Variants in PDE3B observed in about 807,000 individuals in gnomAD.
The protein encoded by PDE3B is cGMP-inhibited 3',5'-cyclic phosphodiesterase 3B.
A neutral mutation model predicts 116.8 loss-of-function variants in PDE3B; 66 were observed. The ratio of observed to expected loss-of-function variants is 0.56; its 90% CI spans 0.46 to 0.69. The LOEUF (loss-of-function observed/expected upper bound fraction) is 0.69. Ranked by LOEUF, PDE3B falls within the 30% of genes least tolerant of loss-of-function variation. PDE3B has a pLI of 0.00. For missense variants in PDE3B, 1,384 were observed against 1,368.1 expected, an observed-to-expected ratio of 1.01 and a Z score of -0.18; for synonymous variants, 595 against 533.6, an observed-to-expected ratio of 1.12 and a Z score of -1.59.
chr11:14,823,802 T>C (rs376444547), intron 7 of PDE3B, among the ~76,000 whole-genome samples: 29 of 152,228 alleles, frequency 1.9e-4, no homozygotes, highest in African/African-American at 6.5e-4. Flanking sequence ...AACCAGATTG[T>C]TTGTTACTTG....
intron 1 of PDE3B, among the ~76,000 whole-genome samples, chr11:14,760,173 T>G (rs1186181260): frequency 2.0e-5 from 3 of 152,200 alleles, no homozygotes; most frequent in Non-Finnish European, 4.4e-5. Context: ...AGCCACAGTT[T>G]ATTTAAAAGT....
chr11:14,891,748 C>T, the PDE3B span: 1 of 1,355,362 alleles, frequency 7.4e-7, no homozygotes, highest in Non-Finnish European at 9.5e-7. Context: ...CGCCTCGGAG[C>T]CTCGGCCCGG....
At chr11:14,837,706 A>G (rs1186825619) in intron 11 of PDE3B, among the ~76,000 whole-genome samples, 5 of 152,174 alleles carry the variant, frequency 3.3e-5, no homozygotes, top group African/African-American at 1.2e-4. Context: ...TCTTACTAGC[A>G]GTGTTATGAG....
chr11:14,710,245 A>G (rs1167729289), intron 1 of PDE3B, among the ~76,000 whole-genome samples: 1 of 152,192 alleles, frequency 6.6e-6, no homozygotes, highest in Non-Finnish European at 1.5e-5. Flanking sequence ...TAGTGTATAT[A>G]AAGGTCTAGT....
intron 13 of PDE3B, among the ~76,000 whole-genome samples, chr11:14,860,591 TG>T (rs1847930741): frequency 6.6e-6 from 1 of 152,186 alleles, no homozygotes; most frequent in Admixed American, 6.5e-5. Context: ...CATAGCAGCA[TG>T]GCTAGATTGG....
intron 1 of PDE3B, among the ~76,000 whole-genome samples, chr11:14,656,301 C>A (rs945310285): frequency 6.6e-6 from 1 of 152,152 alleles, no homozygotes; most frequent in Non-Finnish European, 1.5e-5. Context: ...TTTTACATCT[C>A]TAAATGGGAT....
intron 1 of PDE3B, among the ~76,000 whole-genome samples, chr11:14,647,408 T>G (rs1459630409): frequency 6.6e-6 from 1 of 152,064 alleles, no homozygotes. Context: ...AATTCTGTAA[T>G]ATCTTCTAAT....
At chr11:14,722,379 C>T (rs181646456) in intron 1 of PDE3B, among the ~76,000 whole-genome samples, 273 of 151,530 alleles carry the variant, frequency 1.8e-3, no homozygotes, top group Middle Eastern at 3.5e-3. Context: ...CCATCTGTGT[C>T]AACTGGCAGA....
chr11:14,852,609 GGAAGTGCTA>G (rs1189672185), intron 12 of PDE3B, among the ~76,000 whole-genome samples: 3 of 152,318 alleles, frequency 2.0e-5, no homozygotes, highest in Non-Finnish European at 4.4e-5. Flanking sequence ...TGAAGCCATA[GGAAGTGCTA>G]GAATGGAAAG....
chr11:14,740,334 G>C (rs1024526279), intron 1 of PDE3B, among the ~76,000 whole-genome samples: 18 of 152,258 alleles, frequency 1.2e-4, no homozygotes, highest in Admixed American at 3.9e-4. Flanking sequence ...ACTTGGGAGG[G>C]TGTATGTGTC....
At chr11:14,754,693 C>T (rs1193365260) in intron 1 of PDE3B, among the ~76,000 whole-genome samples, 2 of 152,044 alleles carry the variant, frequency 1.3e-5, no homozygotes, top group Non-Finnish European at 2.9e-5. Context: ...TCGCTTGAGC[C>T]CAGGAGTTCA....
intron 1 of PDE3B, among the ~76,000 whole-genome samples, chr11:14,670,649 A>G (rs1490493113): frequency 3.9e-5 from 6 of 152,176 alleles, no homozygotes; most frequent in Non-Finnish European, 2.9e-5. Context: ...TTAAAGTATT[A>G]ATGTCTCAAA....
chr11:14,880,693 C>A, the PDE3B span: 8 of 1,595,792 alleles, frequency 5.0e-6, no homozygotes, highest in African/African-American at 1.4e-5. Context: ...TTGGCCATAT[C>A]CAAAATATCG....
intron 5 of PDE3B, among the ~76,000 whole-genome samples, chr11:14,810,095 A>G (rs1859075674): frequency 6.6e-6 from 1 of 152,200 alleles, no homozygotes. Context: ...AAAAGCATAT[A>G]AGATTCAGAA....
chr11:14,691,661 C>G (rs1327715732), intron 1 of PDE3B, among the ~76,000 whole-genome samples: 1 of 152,068 alleles, frequency 6.6e-6, no homozygotes, highest in African/African-American at 2.4e-5. Context: ...AAAATTTCTG[C>G]CTTCATGGAA....
At chr11:14,883,399 T>C in the PDE3B span, among the ~76,000 whole-genome samples, 1 of 152,172 alleles carries the variant, frequency 6.6e-6, no homozygotes, top group Non-Finnish European at 1.5e-5. Flanking sequence ...AACTATCTGA[T>C]CTTTGACGAA....
At chr11:14,681,612 G>T (rs1854711468) in intron 1 of PDE3B, among the ~76,000 whole-genome samples, 1 of 152,158 alleles carries the variant, frequency 6.6e-6, no homozygotes, top group South Asian at 2.1e-4. Flanking sequence ...CTGAAAAATT[G>T]TAAGTTGTAC....
chr11:14,840,328 A>G (rs1193148374), intron 11 of PDE3B, among the ~76,000 whole-genome samples: 1 of 152,174 alleles, frequency 6.6e-6, no homozygotes, highest in African/African-American at 2.4e-5. Flanking sequence ...GTAGAATCTG[A>G]ATACTTGGCC....
chr11:14,644,816 G>A lies in PDE3B; in HGVS notation c.741G>A (p.Leu247=), dbSNP rs1322108389. Residue 247 remains leucine (L), a synonymous_variant, in exon 1 of 16, where the codon CTG becomes CTA. Transcript: ENST00000282096. ...LGSLPSALRP[L]LSGLVGGAGC... is the part of the protein sequence containing the mutation. ...CGCTGCCCTCCGCCCTCAGGCCGCT[G>A]CTCTCCGGCCTGGTGGGGGGCGCTG... is the stretch of plus-strand genomic sequence containing the variant. 1.2e-6 allele frequency: 2 copies of A among 1,611,926 alleles called. No individual in the cohort carries two copies. The highest frequency in any genetic ancestry group is 1.7e-5 in the Admixed American group (1 of 59,762).
Sources: gnomAD v4.1 joint callset for allele counts (sites outside exome capture counted in the v4.1 genomes callset) on GRCh38, gnomAD v4.1.1 for gene constraint, MANE v1.5 for transcripts, NCBI Gene and HGNC (gene_info 2026-07-23, HGNC 2026-07-21) for gene names.